The following MARF1 variants were observed in gnomAD, a reference collection of about 807,000 sequenced individuals.
MARF1 encodes the protein meiosis regulator and mRNA stability factor 1, also known as limkain-b1.
In MARF1, 24 loss-of-function variants were observed where a neutral mutation model predicts 168.2. That is an observed-to-expected ratio of 0.14 (90% CI 0.10 to 0.20). The LOEUF is 0.20. MARF1 is among the 10% of genes least tolerant of loss of function. The probability of loss-of-function intolerance (pLI) is 1.00; values close to 1 mark genes in which losing one functional copy is unlikely to be tolerated. For missense variants in MARF1, 1,744 were observed against 2,143.6 expected (o/e 0.81, Z 3.68); for synonymous variants, 868 against 822.4 (o/e 1.06, Z -0.95).
At chr16:15,624,304 G>A (rs1337440439) in intron 10 of MARF1, among the ~76,000 whole-genome samples, 3 of 152,154 alleles carry the variant, frequency 2.0e-5, no homozygotes, top group Admixed American at 6.5e-5. Flanking sequence ...AATGCAACAC[G>A]GCCTTACGGC....
rs2031492364 is a variant in MARF1, at chr16:15,594,456, A to C, written c.*2237T>G. 1 of 152,616 alleles carries C rather than the reference A, an allele frequency of 6.6e-6. No individual in the cohort carries two copies. The highest frequency in any genetic ancestry group is 1.5e-5 in the Non-Finnish European group (1 of 68,036). The allele number at this position is 152,616 out of a possible 1,614,324, so 9.5% of individuals were successfully genotyped here. On this transcript the variant is annotated 3_prime_UTR_variant, in exon 27 of 27. Transcript: ENST00000396368. ...CACACAAAACAGCACTTGAACCACA[A>C]CAAAAGTGTTCAAACAAAGTAGACA...
chr16:15,638,140 G>A (rs2035717016), intron 2 of MARF1, among the ~76,000 whole-genome samples: 1 of 152,176 alleles, frequency 6.6e-6, no homozygotes, highest in African/African-American at 2.4e-5. Flanking sequence ...CTCCAGCCTA[G>A]GGGGCTGAGC....
intron 22 of MARF1, among the ~76,000 whole-genome samples, chr16:15,603,952 C>A (rs529377356): frequency 6.6e-6 from 1 of 151,940 alleles, no homozygotes; most frequent in Non-Finnish European, 1.5e-5. Flanking sequence ...ACAAACACAC[C>A]CCAGTGCCAG....
Position 15,595,779 on chromosome 16 carries a change from C to T in MARF1, c.*914G>A, listed in dbSNP as rs1042285555. ...TTCCCAGTGGAAATCGTATTGATCC[C>T]GCTGCTGCTGAAGCACCTCCCCACT... On this transcript the variant is annotated 3_prime_UTR_variant, in exon 27 of 27. Transcript: ENST00000396368. The T allele has an allele frequency of 1.3e-5, 2 of 152,148 alleles. No individual in the cohort carries two copies. Among genetic ancestry groups the T allele is most frequent in the Non-Finnish European group, 2.9e-5 (2 of 68,030 alleles). 9.4% of individuals were successfully genotyped at this position (152,148 alleles called of 1,614,324 possible). A position where few individuals can be genotyped will look rare whatever the true frequency, so the allele number is the denominator to read the frequency against.
At chr16:15,612,811 C>T in intron 16 of MARF1, 34 bp from the exon 17 acceptor site, 1 of 1,568,160 alleles carries the variant, frequency 6.4e-7, no homozygotes, top group Non-Finnish European at 8.8e-7. Flanking sequence ...AGACAGAAAG[C>T]ACAGATTTCA....
At chr16:15,625,878 A>G in intron 7 of MARF1, 78 bp from the exon 8 acceptor site, 1 of 1,153,348 alleles carries the variant, frequency 8.7e-7, no homozygotes, top group East Asian at 2.4e-5. Context: ...ACAATGGGTG[A>G]CCTCCAAACT....
intron 19 of MARF1, among the ~76,000 whole-genome samples, chr16:15,610,743 C>T (rs535044158): frequency 2.0e-5 from 3 of 152,274 alleles, no homozygotes; most frequent in Admixed American, 6.5e-5. Context: ...CTGATGATGC[C>T]CCTTTTTCCC....
At chr16:15,609,986 T>C (rs1353960143) in intron 19 of MARF1, among the ~76,000 whole-genome samples, 2 of 152,146 alleles carry the variant, frequency 1.3e-5, no homozygotes, top group African/African-American at 4.8e-5. Context: ...CTAGAAACAA[T>C]GTCATCTTAT....
chr16:15,626,344 A>G (rs1343941769), intron 7 of MARF1, among the ~76,000 whole-genome samples: 1 of 152,204 alleles, frequency 6.6e-6, no homozygotes, highest in Non-Finnish European at 1.5e-5. Flanking sequence ...AAATTATTGT[A>G]CACTTAAAAG....
chr16:15,641,424 TCA>T lies in MARF1; in HGVS notation c.-59+1592_-59+1593del, dbSNP rs1290316634. On this transcript the variant is annotated intron_variant, in intron 1 of 26. Transcript: ENST00000396368. ...TCAAAATCGTAAGAATCTGTGATATTCACAGTGTTCATAACTTAAACATTCTC... is the reference window on the plus strand; with the variant it reads ...TCAAAATCGTAAGAATCTGTGATATTCAGTGTTCATAACTTAAACATTCTC... 4.6e-5 allele frequency among the ~76,000 whole-genome samples: 7 copies of T among 152,360 alleles called. No homozygotes were observed. The East Asian group carries it at 7.7e-4, about 17-fold the overall frequency.
Position 15,612,666 on chromosome 16 carries a change from C to T in MARF1, c.3365G>A (p.Ser1122Asn). The change falls in exon 17 of 27, where the codon AGT becomes AAT. Residue 1122 changes from serine to asparagine, a missense_variant. Transcript: ENST00000396368. ...KSQPSCVIPI[S>N]HFIPSYHHHF... ...ATGGTGATAGGATGGGATGAAATGACTGATGGGTATGACACAAGATGGCTG... is the reference window on the plus strand; with the variant it reads ...ATGGTGATAGGATGGGATGAAATGATTGATGGGTATGACACAAGATGGCTG... 6.2e-7 allele frequency: 1 copy of T among 1,614,158 alleles called. No individual in the cohort carries two copies. Among genetic ancestry groups the T allele is most frequent in the South Asian group, 1.1e-5 (1 of 91,078 alleles).
chr16:15,617,189 C>G lies in MARF1; in HGVS notation c.2958-18G>C. ...CATGTTCGCTGAAGAAAAGAGAACACAATTGGAAGCTGACATTCCGCAGGG... is the reference window on the plus strand; with the variant it reads ...CATGTTCGCTGAAGAAAAGAGAACAGAATTGGAAGCTGACATTCCGCAGGG... On this transcript the variant is annotated intron_variant, in intron 14 of 26. Coordinates refer to ENST00000396368, the MANE Select transcript of MARF1 (RefSeq NM_014647.4). The G allele has an allele frequency of 6.2e-7, 1 of 1,613,180 alleles. No homozygotes were observed. The highest frequency in any genetic ancestry group is 8.5e-7 in the Non-Finnish European group (1 of 1,179,584).
At chr16:15,638,531 A>T (rs1255155802) in intron 2 of MARF1, among the ~76,000 whole-genome samples, 2 of 152,158 alleles carry the variant, frequency 1.3e-5, no homozygotes, top group Non-Finnish European at 2.9e-5. Context: ...GGTTGCAATG[A>T]GCCGAGATCG....
chr16:15,611,127 A>C lies in MARF1; in HGVS notation c.3618-19T>G, dbSNP rs1417838018. 1 of 1,612,608 alleles carries C rather than the reference A, an allele frequency of 6.2e-7. No homozygotes were observed. The highest frequency in any genetic ancestry group is 1.1e-5 in the South Asian group (1 of 90,984). ...GAAACACCTAGGTTTTAACAACGGA[A>C]GTGGATACGGAATGAGTAGTATCAT... On this transcript the variant is annotated intron_variant, in intron 18 of 26. Transcript: ENST00000396368.
chr16:15,617,381 T>C lies in MARF1; in HGVS notation c.2875A>G (p.Thr959Ala). The change falls in exon 14 of 27, where the codon ACG (threonine) becomes GCG (alanine). Residue 959 changes from threonine to alanine, a missense_variant. Thr to Ala is a moderately conservative substitution (Grantham distance 58). Transcript: ENST00000396368. ...GSSQSHDGSS[T>A]NCSPIIFEEL... ...TCAAATATAATTGGGCTGCAATTCG[T>C]GGAGGAGCCGTCGTGTGACTGGGAA... 6.2e-7 allele frequency: 1 copy of C among 1,614,134 alleles called. No homozygotes were observed. Among genetic ancestry groups the C allele is most frequent in the Non-Finnish European group, 8.5e-7 (1 of 1,180,038 alleles).
chr16:15,631,742 C>T (rs1432730764), intron 5 of MARF1, among the ~76,000 whole-genome samples: 1 of 152,122 alleles, frequency 6.6e-6, no homozygotes, highest in Non-Finnish European at 1.5e-5. Flanking sequence ...CTCTTCCTCC[C>T]CTTCCCCCAA....
chr16:15,630,868 C>T (rs953707053), intron 6 of MARF1, among the ~76,000 whole-genome samples: 2 of 150,900 alleles, frequency 1.3e-5, no homozygotes, highest in African/African-American at 4.9e-5. Context: ...TGGTGGTTCA[C>T]GCCTGTAATC....
Position 15,625,462 on chromosome 16 carries a change from T to A in MARF1, c.1863A>T (p.Glu621Asp). 1 of 1,614,232 alleles carries A rather than the reference T, an allele frequency of 6.2e-7. No homozygotes were observed. Among genetic ancestry groups the A allele is most frequent in the South Asian group, 1.1e-5 (1 of 91,082 alleles). ...GCGTGGCTTTGGCACTGGAAGATTG[T>A]TCACTTGCATCTTTGATGAGGCACA... Reference protein sequence around the residue: ...PKLCLIKDASEQSSSAKATPG... With the variant: ...PKLCLIKDASDQSSSAKATPG... Residue 621 changes from glutamate (E) to aspartate (D), a missense_variant, in exon 8 of 27, where the codon GAA becomes GAT. Glu to Asp is a conservative substitution (Grantham distance 45). Coordinates refer to ENST00000396368, the MANE Select transcript of MARF1 (RefSeq NM_014647.4).
intron 1 of MARF1, among the ~76,000 whole-genome samples, chr16:15,642,800 G>C (rs2036117311): frequency 6.6e-6 from 1 of 152,194 alleles, no homozygotes; most frequent in African/African-American, 2.4e-5. Flanking sequence ...GGGAACAGCG[G>C]CGCCAACAGT....
Sources: allele counts gnomAD v4.1 joint callset (sites outside exome capture counted in the v4.1 genomes callset), GRCh38; gene constraint gnomAD v4.1.1; transcripts MANE v1.5; gene names NCBI Gene and HGNC (gene_info 2026-07-23, HGNC 2026-07-21).